Variants in IL4R observed in about 807,000 individuals in gnomAD.
IL4R encodes the protein interleukin-4 receptor subunit alpha.
IL4R carries 17 observed loss-of-function variants against 41.5 expected under a neutral mutation model. The observed-to-expected ratio is 0.41, with a 90% confidence interval of 0.28 to 0.61. The LOEUF is 0.61. IL4R is among the 20% of genes least tolerant of loss of function. The pLI is 0.31. For synonymous variants in IL4R, 402 were observed against 422.9 expected (o/e 0.95, Z 0.61); for missense variants, 974 against 1,043.1 (o/e 0.93, Z 0.91).
rs142800677 is a variant in IL4R, at chr16:27,362,731, G to T, written c.1379G>T (p.Gly460Val). The T allele has an allele frequency of 2.2e-5, 36 of 1,614,084 alleles. No homozygotes were observed. The African/African-American group carries it at 4.5e-4, about 20-fold the overall frequency. The stretch of plus-strand genomic sequence containing the variant: ...GGGCCCAAGGAGGCACCTCCCTGGG[G>T]CAAGGAGCAGCCTCTCCACCTGGAG... ...SAGPKEAPPW[G>V]KEQPLHLEPS... The change falls in exon 11 of 11, where the codon GGC becomes GTC. Residue 460 changes from glycine to valine, a missense_variant. Gly to Val is a moderately radical substitution (Grantham distance 109, BLOSUM62 -3). Coordinates refer to ENST00000395762, the MANE Select transcript of IL4R (RefSeq NM_000418.4).
At chr16:27,316,757 G>T (rs1457945856) in intron 1 of IL4R, among the ~76,000 whole-genome samples, 1 of 152,158 alleles carries the variant, frequency 6.6e-6, no homozygotes, top group Non-Finnish European at 1.5e-5. Context: ...TGCTTACTGT[G>T]TAACTGACTT....
intron 6 of IL4R, among the ~76,000 whole-genome samples, chr16:27,348,639 GTCC>G (rs1307679209): frequency 6.6e-6 from 1 of 152,130 alleles, no homozygotes; most frequent in East Asian, 1.9e-4. Flanking sequence ...TCTAATAAGA[GTCC>G]TAAGGCTGCT....
intron 6 of IL4R, among the ~76,000 whole-genome samples, chr16:27,351,300 A>G (rs1180844377): frequency 6.6e-6 from 1 of 152,200 alleles, no homozygotes; most frequent in Non-Finnish European, 1.5e-5. Flanking sequence ...CCTAGCAAGT[A>G]GGATATTACA....
chr16:27,349,668 G>C (rs1184427943), intron 6 of IL4R, among the ~76,000 whole-genome samples: 3 of 152,166 alleles, frequency 2.0e-5, no homozygotes, highest in East Asian at 1.9e-4. Flanking sequence ...GCCTCATAAT[G>C]GTTTCCATAT....
At chr16:27,361,494 T>C (rs2086282140) in intron 10 of IL4R, among the ~76,000 whole-genome samples, 1 of 151,976 alleles carries the variant, frequency 6.6e-6, no homozygotes, top group Non-Finnish European at 1.5e-5. Context: ...AAGCTCTCGC[T>C]GTGTTGCCCC....
chr16:27,346,584 C>G lies in IL4R; in HGVS notation c.479C>G (p.Ala160Gly). The G allele has an allele frequency of 6.2e-7, 1 of 1,614,140 alleles. No individual in the cohort carries two copies. The highest frequency in any genetic ancestry group is 8.5e-7 in the Non-Finnish European group (1 of 1,179,992). Residue 160 changes from alanine to glycine, a missense_variant, in exon 6 of 11, where the codon GCA becomes GGA. Transcript: ENST00000395762. ...DNYLYNHLTY[A>G]VNIWSENDPA... ...TACCTGTATAATCATCTCACCTATGCAGTCAACATTTGGAGTGAAAACGAC... is the reference window on the plus strand; with the variant it reads ...TACCTGTATAATCATCTCACCTATGGAGTCAACATTTGGAGTGAAAACGAC...
At position 27,324,418 on chromosome 16, in the gene IL4R, C is replaced by T. The variant is rs193215600; in HGVS notation, c.-151-5648C>T. Among the ~76,000 whole-genome samples the T allele has an allele frequency of 6.6e-3, 998 of 152,268 alleles. 2 individuals are homozygous for T. Among genetic ancestry groups the T allele is most frequent in the Non-Finnish European group, 0.01 (708 of 68,004 alleles). ...TCACAGCCAGGGGAATTCATCCTGT[C>T]GTTCTTCCATTCAGCAAATATTCAT... On this transcript the variant is annotated intron_variant, in intron 1 of 10. Transcript: ENST00000395762.
At chr16:27,338,846 T>G (rs550565233) in intron 2 of IL4R, among the ~76,000 whole-genome samples, 6 of 152,108 alleles carry the variant, frequency 3.9e-5, no homozygotes, top group African/African-American at 1.4e-4. Context: ...TTAGAAAATT[T>G]ATTTATTTAT....
chr16:27,317,152 C>T (rs1469800625), intron 1 of IL4R, among the ~76,000 whole-genome samples: 1 of 152,180 alleles, frequency 6.6e-6, no homozygotes, highest in Non-Finnish European at 1.5e-5. Flanking sequence ...AGTCCTCCTG[C>T]CTCAGCCTCC....
At chr16:27,335,034 G>A (rs1040123603) in intron 2 of IL4R, among the ~76,000 whole-genome samples, 3 of 152,062 alleles carry the variant, frequency 2.0e-5, no homozygotes, top group Non-Finnish European at 2.9e-5. Flanking sequence ...TTGCACCCCT[G>A]GCACTTCGTG....
chr16:27,328,667 C>T (rs1222796399), intron 1 of IL4R, among the ~76,000 whole-genome samples: 2 of 152,104 alleles, frequency 1.3e-5, no homozygotes, highest in Non-Finnish European at 1.5e-5. Context: ...AAAGCTCTGC[C>T]CTCATGGGGC....
chr16:27,339,868 C>A (rs2085382036), intron 2 of IL4R, among the ~76,000 whole-genome samples: 1 of 150,830 alleles, frequency 6.6e-6, no homozygotes, highest in Non-Finnish European at 1.5e-5. Context: ...ACCAGCCTGG[C>A]CAACATGGTG....
chr16:27,351,579 A>C (rs1334842287), intron 6 of IL4R, among the ~76,000 whole-genome samples: 1 of 143,868 alleles, frequency 7.0e-6, no homozygotes, highest in East Asian at 2.0e-4. Flanking sequence ...CAGTGGCATG[A>C]TCTCAGCTTA....
At chr16:27,351,080 G>A (rs1389561257) in intron 6 of IL4R, among the ~76,000 whole-genome samples, 1 of 152,186 alleles carries the variant, frequency 6.6e-6, no homozygotes, top group Non-Finnish European at 1.5e-5. Context: ...AGTCTCGTGA[G>A]GCTATAATCA....
chr16:27,333,307 T>C (rs1482366822), intron 2 of IL4R, among the ~76,000 whole-genome samples: 1 of 152,002 alleles, frequency 6.6e-6, no homozygotes, highest in Non-Finnish European at 1.5e-5. Context: ...TATCCTACAC[T>C]TGCGGAACTG....
chr16:27,361,037 C>G (rs2086265292), intron 10 of IL4R: 1 of 1,425,960 alleles, frequency 7.0e-7, no homozygotes, highest in South Asian at 1.5e-5. Context: ...GGTGATACCC[C>G]TTGGGAGTGC....
intron 2 of IL4R, among the ~76,000 whole-genome samples, chr16:27,333,762 A>G (rs1050251496): frequency 3.9e-5 from 6 of 152,026 alleles, no homozygotes; most frequent in African/African-American, 1.4e-4. Context: ...GTGGTGGCAT[A>G]TGGGCTGAAA....
At chr16:27,332,203 C>A (rs1382742656) in intron 2 of IL4R, among the ~76,000 whole-genome samples, 1 of 152,010 alleles carries the variant, frequency 6.6e-6, no homozygotes, top group Non-Finnish European at 1.5e-5. Context: ...ATGCCCAAGA[C>A]TGGGTAATTT....
chr16:27,361,610 CTTTT>C (rs34798776), intron 10 of IL4R, among the ~76,000 whole-genome samples: 3,743 of 111,760 alleles, frequency 0.033, 146 homozygotes, highest in African/African-American at 0.1. Context: ...GATCCCGCAT[CTTTT>C]TTTTTTTTTT....
Sources: gnomAD v4.1 joint callset for allele counts (sites outside exome capture counted in the v4.1 genomes callset) on GRCh38, gnomAD v4.1.1 for gene constraint, MANE v1.5 for transcripts, NCBI Gene and HGNC (gene_info 2026-07-23, HGNC 2026-07-21) for gene names.